FBXL17: variants seen among roughly 807,000 people sequenced by gnomAD.
FBXL17 encodes F-box/LRR-repeat protein 17.
A neutral mutation model predicts 66.2 loss-of-function variants in FBXL17; 22 were observed. The ratio of observed to expected loss-of-function variants is 0.33; its 90% CI spans 0.24 to 0.47. The LOEUF is 0.47. Among genes scored for constraint, FBXL17 ranks in the 20% least tolerant of loss-of-function variants. The pLI, the probability that FBXL17 is intolerant of heterozygous loss-of-function variation, is 1.00. For synonymous variants in FBXL17, 474 were observed against 400.5 expected, an observed-to-expected ratio of 1.18 and a Z score of -2.19; for missense variants, 878 against 948.2, an observed-to-expected ratio of 0.93 and a Z score of 0.97.
At chr5:108,348,125 A>T (rs192777786) in intron 4 of FBXL17, among the ~76,000 whole-genome samples, 1 of 152,336 alleles carries the variant, frequency 6.6e-6, no homozygotes, top group East Asian at 1.9e-4. Flanking sequence ...TGATTTTTCC[A>T]ATTTACCAGT....
intron 6 of FBXL17, among the ~76,000 whole-genome samples, chr5:108,141,624 A>C (rs990049235): frequency 4.6e-5 from 7 of 152,230 alleles, no homozygotes; most frequent in African/African-American, 1.4e-4. Flanking sequence ...TGGGCAGGTT[A>C]CTTGCCTAAT....
At chr5:107,868,496 G>C (rs188863834) in intron 8 of FBXL17, among the ~76,000 whole-genome samples, 5 of 152,204 alleles carry the variant, frequency 3.3e-5, no homozygotes, top group African/African-American at 1.2e-4. Context: ...GCCTGACCAC[G>C]GGCCTTTGGA....
In FBXL17 at chr5:107,957,588, G is replaced by A. The variant is rs148763891; in HGVS notation, c.1822+63337C>T. Among the ~76,000 whole-genome samples the A allele has an allele frequency of 3.8e-3, 576 of 152,134 alleles. 4 individuals carry two copies. Among genetic ancestry groups the A allele is most frequent in the African/African-American group, 0.012 (494 of 41,510 alleles). The stretch of plus-strand genomic sequence containing the variant: ...ATTTTAACTCATTGATGACATATGC[G>A]TTCTAAATTTGCAGCACATACTATT... On this transcript the variant is annotated intron_variant, in intron 7 of 8. Coordinates refer to ENST00000542267, the MANE Select transcript of FBXL17 (RefSeq NM_001163315.3).
At chr5:107,905,320 T>G (rs1275288281) in intron 7 of FBXL17, among the ~76,000 whole-genome samples, 1 of 152,178 alleles carries the variant, frequency 6.6e-6, no homozygotes, top group Non-Finnish European at 1.5e-5. Flanking sequence ...CATTTTCTGT[T>G]TATAAAATAT....
At position 108,223,584 on chromosome 5, in the gene FBXL17, G is replaced by A. The variant is rs56081705; in HGVS notation, c.1614+537C>T. Among the ~76,000 whole-genome samples the A allele has an allele frequency of 3.1e-3, 474 of 152,258 alleles. 5 individuals carry two copies. Among genetic ancestry groups the A allele is most frequent in the African/African-American group, 0.011 (456 of 41,558 alleles). Reference sequence around the variant, plus strand: ...AGTAGAGATGACACATCGCAGTAGAGATGACACATCAGTGAGAGATTACTA... The same window carrying A: ...AGTAGAGATGACACATCGCAGTAGAAATGACACATCAGTGAGAGATTACTA... On this transcript the variant is annotated intron_variant, in intron 5 of 8. Transcript: ENST00000542267.
chr5:108,066,257 T>C (rs1748114367), intron 6 of FBXL17, among the ~76,000 whole-genome samples: 1 of 152,282 alleles, frequency 6.6e-6, no homozygotes, highest in East Asian at 1.9e-4. Context: ...CATGGCACTA[T>C]GTTGGCTTAA....
intron 6 of FBXL17, among the ~76,000 whole-genome samples, chr5:108,094,265 T>C (rs1749291345): frequency 6.6e-6 from 1 of 152,148 alleles, no homozygotes; most frequent in Admixed American, 6.5e-5. Flanking sequence ...GGAAAAGCTC[T>C]TCTGCACAAA....
chr5:108,122,590 G>C (rs1398148560), intron 6 of FBXL17, among the ~76,000 whole-genome samples: 1 of 152,134 alleles, frequency 6.6e-6, no homozygotes, highest in African/African-American at 2.4e-5. Context: ...AATCTCTAGA[G>C]AGAAATGAGT....
chr5:107,999,480 CACACCA>C (rs933942661), intron 7 of FBXL17, among the ~76,000 whole-genome samples: 5 of 149,458 alleles, frequency 3.3e-5, no homozygotes, highest in African/African-American at 1.3e-4. Flanking sequence ...CACACACACA[CACACCA>C]CACACACACA....
At chr5:108,258,394 G>A (rs193124536) in intron 4 of FBXL17, among the ~76,000 whole-genome samples, 129 of 152,172 alleles carry the variant, frequency 8.5e-4, no homozygotes, top group Non-Finnish European at 8.4e-4. Flanking sequence ...CTTAGCAGAC[G>A]AATATGAAAC....
intron 6 of FBXL17, among the ~76,000 whole-genome samples, chr5:108,104,670 G>A (rs1252820633): frequency 6.6e-6 from 1 of 152,144 alleles, no homozygotes; most frequent in African/African-American, 2.4e-5. Flanking sequence ...TAAAAAGTGA[G>A]TCATTCAGTG....
intron 4 of FBXL17, among the ~76,000 whole-genome samples, chr5:108,344,975 G>A (rs1485528538): frequency 6.6e-6 from 1 of 152,094 alleles, no homozygotes; most frequent in African/African-American, 2.4e-5. Flanking sequence ...ACCTATGTAG[G>A]TACATGACAC....
chr5:108,230,357 T>C (rs545637912), intron 4 of FBXL17, among the ~76,000 whole-genome samples: 1 of 152,162 alleles, frequency 6.6e-6, no homozygotes, highest in African/African-American at 2.4e-5. Flanking sequence ...AAAGACATTG[T>C]GGTATATATA....
At chr5:107,879,743 C>T in intron 8 of FBXL17, 1 of 985,406 alleles carries the variant, frequency 1.0e-6, no homozygotes, top group Non-Finnish European at 1.2e-6. Flanking sequence ...TGTTCCTAAT[C>T]ACCATTTACA....
chr5:108,370,046 C>T (rs1026822067), intron 1 of FBXL17, among the ~76,000 whole-genome samples: 2 of 152,076 alleles, frequency 1.3e-5, no homozygotes, highest in Admixed American at 6.6e-5. Context: ...TCACTCATAC[C>T]GGGACCATCT....
chr5:108,271,558 A>C (rs1362542070), intron 4 of FBXL17, among the ~76,000 whole-genome samples: 1 of 152,240 alleles, frequency 6.6e-6, no homozygotes, highest in Non-Finnish European at 1.5e-5. Context: ...CATGAAGAAA[A>C]CTACCAATAC....
chr5:108,088,558 G>A (rs1464671916), intron 6 of FBXL17, among the ~76,000 whole-genome samples: 1 of 151,734 alleles, frequency 6.6e-6, no homozygotes, highest in East Asian at 1.9e-4. Context: ...AAAATTATCT[G>A]GGCATGGTGG....
intron 6 of FBXL17, among the ~76,000 whole-genome samples, chr5:108,135,964 G>A (rs1352618209): frequency 6.6e-6 from 1 of 152,078 alleles, no homozygotes; most frequent in Admixed American, 6.6e-5. Context: ...ATGGGCCATG[G>A]CAAGTATAAG....
At chr5:107,938,523 A>G (rs113733091) in intron 7 of FBXL17, among the ~76,000 whole-genome samples, 229 of 152,328 alleles carry the variant, frequency 1.5e-3, no homozygotes, top group African/African-American at 5.4e-3. Flanking sequence ...TAAACACTAA[A>G]GATAAAAATA....
Sources: gnomAD v4.1 joint callset for allele counts (sites outside exome capture counted in the v4.1 genomes callset) on GRCh38, gnomAD v4.1.1 for gene constraint, MANE v1.5 for transcripts, NCBI Gene and HGNC (gene_info 2026-07-23, HGNC 2026-07-21) for gene names.